The following DLG2 variants were observed in gnomAD, a reference collection of about 807,000 sequenced individuals.
The protein encoded by DLG2 is disks large homolog 2.
In DLG2, 45 loss-of-function variants were observed where a neutral mutation model predicts 132.5. The ratio of observed to expected loss-of-function variants is 0.34; its 90% confidence interval spans 0.27 to 0.44. The LOEUF is 0.44. Among genes scored for constraint, DLG2 ranks in the 20% least tolerant of loss-of-function variants. The pLI, the probability that DLG2 is intolerant of heterozygous loss-of-function variation, is 1.00. For missense variants in DLG2, 1,045 were observed against 1,196.9 expected (o/e 0.87, Z 1.87); for synonymous variants, 424 against 419.6 (o/e 1.01, Z -0.13).
rs113685579 is a variant in DLG2 at position 83,657,175 on chromosome 11, G to A, written c.1826-23850C>T. On this transcript the variant is annotated intron_variant, in intron 18 of 27. Coordinates refer to ENST00000376104, the MANE Select transcript of DLG2 (RefSeq NM_001142699.3). ...CTGCTGCTACAACTCCAATGAAAAC[G>A]TATTAAACACACCTAGTGCCTGGCA... 8.3e-3 allele frequency among the ~76,000 whole-genome samples: 1,268 copies of A among 152,242 alleles called. 21 individuals carry two copies. The highest frequency in any genetic ancestry group is 0.028 in the African/African-American group (1,169 of 41,528).
chr11:83,820,125 A>G (rs955409304), intron 17 of DLG2, among the ~76,000 whole-genome samples: 1 of 152,194 alleles, frequency 6.6e-6, no homozygotes, highest in Admixed American at 6.5e-5. Context: ...CTCCAGTTCA[A>G]TGCAAAATCT....
chr11:84,283,853 T>A (rs1291916262), intron 7 of DLG2, among the ~76,000 whole-genome samples: 1 of 152,142 alleles, frequency 6.6e-6, no homozygotes, highest in Non-Finnish European at 1.5e-5. Flanking sequence ...TAAAAGCTAA[T>A]TACAATTTCA....
At position 84,642,062 on chromosome 11, in the gene DLG2, ACG is replaced by A. The variant is rs200576128; in HGVS notation, c.358-107333_358-107332del. Among the ~76,000 whole-genome samples the A allele has an allele frequency of 2.2e-3, 279 of 124,666 alleles. 4 individuals carry two copies. Among genetic ancestry groups the A allele is most frequent in the African/African-American group, 4.3e-3 (109 of 25,300 alleles). The allele number at this position is 124,666 out of a possible 152,430, so 81.8% of individuals were successfully genotyped here. A position where few individuals can be genotyped will look rare whatever the true frequency, so the allele number is the denominator to read the frequency against. ...CATACGTATATATGTATATATACGC[ACG>A]CGTGTGTGTGTGTGTGTGTATATGT... On this transcript the variant is annotated intron_variant, in intron 6 of 27. Transcript: ENST00000376104.
chr11:84,926,543 G>A (rs1249992315), intron 6 of DLG2, among the ~76,000 whole-genome samples: 3 of 151,918 alleles, frequency 2.0e-5, no homozygotes, highest in African/African-American at 7.2e-5. Context: ...ATTGTGTGAG[G>A]CTATTTGTAT....
intron 18 of DLG2, among the ~76,000 whole-genome samples, chr11:83,640,750 CT>C (rs2066260627): frequency 6.6e-6 from 1 of 152,090 alleles, no homozygotes; most frequent in Non-Finnish European, 1.5e-5. Context: ...GTATCATGTT[CT>C]TTTTAGATGG....
intron 17 of DLG2, among the ~76,000 whole-genome samples, chr11:83,795,613 A>G (rs1164315061): frequency 1.3e-5 from 2 of 152,166 alleles, no homozygotes; most frequent in African/African-American, 4.8e-5. Context: ...CTTAATGTGA[A>G]GATGAGTGGT....
At chr11:83,840,737 A>G (rs1163507498) in intron 16 of DLG2, among the ~76,000 whole-genome samples, 1 of 152,228 alleles carries the variant, frequency 6.6e-6, no homozygotes, top group Non-Finnish European at 1.5e-5. Flanking sequence ...GATGTCTGTT[A>G]TGCATCCAGC....
intron 3 of DLG2, among the ~76,000 whole-genome samples, chr11:85,313,358 G>A (rs1047590865): frequency 6.6e-6 from 1 of 151,906 alleles, no homozygotes; most frequent in Non-Finnish European, 1.5e-5. Context: ...ATTAGATTTT[G>A]ACATAAACAA....
intron 6 of DLG2, among the ~76,000 whole-genome samples, chr11:84,682,435 C>G (rs2099733608): frequency 6.6e-6 from 1 of 152,162 alleles, no homozygotes; most frequent in African/African-American, 2.4e-5. Context: ...TATTTTGGTT[C>G]TCTCTCAACA....
intron 6 of DLG2, among the ~76,000 whole-genome samples, chr11:84,576,988 T>C (rs1198947728): frequency 3.3e-5 from 5 of 152,196 alleles, no homozygotes; most frequent in South Asian, 2.1e-4. Flanking sequence ...GGGGAGGTAA[T>C]TGAATCATGG....
At chr11:85,334,250 T>C (rs1463567467) in intron 3 of DLG2, among the ~76,000 whole-genome samples, 2 of 152,112 alleles carry the variant, frequency 1.3e-5, no homozygotes, top group East Asian at 1.9e-4. Context: ...TGAGGATTTT[T>C]TGTATTCCTT....
intron 6 of DLG2, among the ~76,000 whole-genome samples, chr11:84,749,210 G>A (rs1433248025): frequency 6.6e-6 from 1 of 152,012 alleles, no homozygotes; most frequent in Non-Finnish European, 1.5e-5. Context: ...TCACTCACCT[G>A]CAATGTCTTC....
intron 7 of DLG2, among the ~76,000 whole-genome samples, chr11:84,288,104 T>C (rs997734477): frequency 6.6e-6 from 1 of 152,020 alleles, no homozygotes; most frequent in Admixed American, 6.6e-5. Context: ...ATTGATATCA[T>C]ATGATATTAA....
At chr11:85,009,952 T>C (rs1178676149) in intron 6 of DLG2, among the ~76,000 whole-genome samples, 3 of 152,112 alleles carry the variant, frequency 2.0e-5, no homozygotes, top group Non-Finnish European at 4.4e-5. Flanking sequence ...TTTGTACACA[T>C]GTAGGTTGCC....
intron 6 of DLG2, among the ~76,000 whole-genome samples, chr11:84,814,229 G>C (rs2076862825): frequency 6.6e-6 from 1 of 152,002 alleles, no homozygotes. Context: ...AGGAGTCTCT[G>C]AGCCTACACC....
intron 7 of DLG2, among the ~76,000 whole-genome samples, chr11:84,279,569 C>G (rs542934222): frequency 6.6e-6 from 1 of 152,298 alleles, no homozygotes; most frequent in African/African-American, 2.4e-5. Flanking sequence ...AAATGCCCAT[C>G]AGTGATAGAC....
intron 8 of DLG2, among the ~76,000 whole-genome samples, chr11:84,204,351 T>A (rs1187780527): frequency 6.6e-6 from 1 of 152,196 alleles, no homozygotes; most frequent in Admixed American, 6.5e-5. Context: ...TACAGTACAA[T>A]AAATTTCTTA....
intron 11 of DLG2, among the ~76,000 whole-genome samples, chr11:84,038,857 G>C (rs1289328171): frequency 6.6e-6 from 1 of 151,988 alleles, no homozygotes; most frequent in East Asian, 1.9e-4. Context: ...TTAGGAATGA[G>C]AAGTGATGAG....
chr11:84,770,056 T>C lies in DLG2; in HGVS notation c.358-235325A>G, dbSNP rs1038180340. 4.6e-5 allele frequency among the ~76,000 whole-genome samples: 7 copies of C among 152,160 alleles called. No homozygotes were observed. The East Asian group carries it at 1.3e-3, about 29-fold the overall frequency. On this transcript the variant is annotated intron_variant, in intron 6 of 27. Coordinates refer to ENST00000376104, the MANE Select transcript of DLG2 (RefSeq NM_001142699.3). Reference sequence around the variant, plus strand: ...GGCCTGGTGGGAGATGTGTGGGTTATGGAGGTAGATTCCCCATGGCTTGGG... The same window carrying C: ...GGCCTGGTGGGAGATGTGTGGGTTACGGAGGTAGATTCCCCATGGCTTGGG...
Sources: allele counts gnomAD v4.1 joint callset (sites outside exome capture counted in the v4.1 genomes callset), GRCh38; gene constraint gnomAD v4.1.1; transcripts MANE v1.5; gene names NCBI Gene and HGNC (gene_info 2026-07-23, HGNC 2026-07-21).